Variants in XKR9 observed in about 807,000 individuals in gnomAD.
The protein encoded by XKR9 is XK-related protein 9.
XKR9 carries 32 observed loss-of-function variants against 32.0 expected under a neutral mutation model. The observed-to-expected ratio is 1.00, with a 90% CI of 0.76 to 1.34. The LOEUF (loss-of-function observed/expected upper bound fraction) is 1.34. Among genes scored for constraint, XKR9 ranks in the 40% most tolerant of loss-of-function variants. XKR9 has a pLI of 0.00. For synonymous variants in XKR9, 168 were observed against 143.4 expected, an observed-to-expected ratio of 1.17 and a Z score of -1.22; for missense variants, 546 against 429.7, an observed-to-expected ratio of 1.27 and a Z score of -2.39.
intron 3 of XKR9, among the ~76,000 whole-genome samples, chr8:70,704,730 C>T (rs765363052): frequency 1.3e-5 from 2 of 152,056 alleles, no homozygotes; most frequent in Non-Finnish European, 2.9e-5. Context: ...TAGTATCTAC[C>T]CTATTGGATT....
chr8:71,034,428 T>C, the XKR9 span, among the ~76,000 whole-genome samples: 1 of 152,232 alleles, frequency 6.6e-6, no homozygotes, highest in Non-Finnish European at 1.5e-5. Context: ...ATTAAACCTC[T>C]TTCCTTTTTA....
chr8:70,755,951 A>G (rs1290946731), intron 2 of XKR9, among the ~76,000 whole-genome samples: 1 of 152,188 alleles, frequency 6.6e-6, no homozygotes. Context: ...ATATTCAAAA[A>G]GGTCATAAAG....
chr8:70,902,204 C>G, the XKR9 span, among the ~76,000 whole-genome samples: 1 of 152,192 alleles, frequency 6.6e-6, no homozygotes. Flanking sequence ...TCATTGGTAT[C>G]TTGATGGGGA....
At chr8:70,870,505 G>A in the XKR9 span, among the ~76,000 whole-genome samples, 1 of 152,148 alleles carries the variant, frequency 6.6e-6, no homozygotes, top group Non-Finnish European at 1.5e-5. Context: ...TTGTTGTTGT[G>A]GTTTGGAATG....
At chr8:70,804,515 T>A in the XKR9 span, among the ~76,000 whole-genome samples, 1 of 152,232 alleles carries the variant, frequency 6.6e-6, no homozygotes, top group Non-Finnish European at 1.5e-5. Context: ...CATGTAAAGC[T>A]TTTAGCATAT....
chr8:70,669,896 G>C (rs1818649170), intron 1 of XKR9, among the ~76,000 whole-genome samples: 1 of 152,024 alleles, frequency 6.6e-6, no homozygotes, highest in Non-Finnish European at 1.5e-5. Context: ...TTGATCTCCT[G>C]ACCTCGTGAT....
the XKR9 span, among the ~76,000 whole-genome samples, chr8:70,884,298 T>G: frequency 6.6e-6 from 1 of 152,154 alleles, no homozygotes; most frequent in East Asian, 1.9e-4. Flanking sequence ...TCAATATGTT[T>G]TGCAAATATT....
chr8:70,682,501 C>T (rs1819114898), intron 3 of XKR9, among the ~76,000 whole-genome samples: 1 of 152,042 alleles, frequency 6.6e-6, no homozygotes, highest in Non-Finnish European at 1.5e-5. Context: ...AAAGAAAGGC[C>T]AAATTGCCTT....
At chr8:70,888,953 T>C in the XKR9 span, among the ~76,000 whole-genome samples, 1 of 152,030 alleles carries the variant, frequency 6.6e-6, no homozygotes, top group East Asian at 1.9e-4. Context: ...TGTAGTTCCA[T>C]TTAAATTTTA....
the XKR9 span, among the ~76,000 whole-genome samples, chr8:70,846,698 T>C: frequency 6.6e-6 from 1 of 151,950 alleles, no homozygotes; most frequent in Non-Finnish European, 1.5e-5. Context: ...AGATGTTCCA[T>C]ACAAACAGAA....
chr8:70,700,202 C>T (rs1177648025), intron 3 of XKR9, among the ~76,000 whole-genome samples: 1 of 152,216 alleles, frequency 6.6e-6, no homozygotes, highest in Non-Finnish European at 1.5e-5. Context: ...ATTCTCTGTC[C>T]AGCTTTGTTC....
the XKR9 span, among the ~76,000 whole-genome samples, chr8:70,813,457 A>G: frequency 1.6e-4 from 25 of 152,340 alleles, no homozygotes; most frequent in Non-Finnish European, 3.2e-4. Flanking sequence ...CAATTAAACT[A>G]AAGAGCTTCT....
chr8:70,751,806 A>G (rs1480330441), intron 2 of XKR9, among the ~76,000 whole-genome samples: 2 of 152,144 alleles, frequency 1.3e-5, no homozygotes, highest in Admixed American at 1.3e-4. Context: ...AAGTTATACC[A>G]TCAGTTTCCC....
At chr8:70,942,763 A>T in the XKR9 span, among the ~76,000 whole-genome samples, 1 of 152,154 alleles carries the variant, frequency 6.6e-6, no homozygotes, top group Non-Finnish European at 1.5e-5. Context: ...ATTAAATAAG[A>T]TAATGTACAC....
intron 2 of XKR9, among the ~76,000 whole-genome samples, chr8:70,785,406 T>C (rs1272700991): frequency 1.3e-5 from 2 of 151,884 alleles, no homozygotes; most frequent in Non-Finnish European, 2.9e-5. Flanking sequence ...TTTTAATCAG[T>C]CTAACTGAAA....
At chr8:70,967,791 T>A in the XKR9 span, among the ~76,000 whole-genome samples, 1 of 152,202 alleles carries the variant, frequency 6.6e-6, no homozygotes, top group South Asian at 2.1e-4. Flanking sequence ...GTAGGGTTTC[T>A]GCTTATAGGT....
At chr8:70,943,394 A>C in the XKR9 span, among the ~76,000 whole-genome samples, 10 of 152,296 alleles carry the variant, frequency 6.6e-5, no homozygotes, top group South Asian at 2.1e-3. Context: ...AGTAAGAGGA[A>C]TAAAGTAGGA....
chr8:70,699,301 G>T (rs1447452599), intron 3 of XKR9, among the ~76,000 whole-genome samples: 3 of 152,160 alleles, frequency 2.0e-5, no homozygotes, highest in Non-Finnish European at 4.4e-5. Context: ...AATTTGGCAT[G>T]ATTTTGCAGT....
At chr8:70,858,656 C>T in the XKR9 span, among the ~76,000 whole-genome samples, 2 of 152,118 alleles carry the variant, frequency 1.3e-5, no homozygotes, top group East Asian at 1.9e-4. Context: ...GGTATAAAAA[C>T]AGACATAGAC....
Sources: gnomAD v4.1 joint callset for allele counts (sites outside exome capture counted in the v4.1 genomes callset) on GRCh38, gnomAD v4.1.1 for gene constraint, MANE v1.5 for transcripts, NCBI Gene and HGNC (gene_info 2026-07-23, HGNC 2026-07-21) for gene names.